The following HEATR5A variants were observed in gnomAD, a reference collection of about 807,000 sequenced individuals.
HEATR5A encodes the protein HEAT repeat-containing protein 5A.
In HEATR5A, 178 loss-of-function variants were observed where a neutral mutation model predicts 218.8. That is an observed-to-expected ratio of 0.81 (90% confidence interval 0.72 to 0.92). The LOEUF (loss-of-function observed/expected upper bound fraction) is 0.92, where lower values mean the gene tolerates loss of function less well. HEATR5A is among the 40% of genes least tolerant of loss of function. HEATR5A has a pLI of 0.00. For missense variants in HEATR5A, 2,420 were observed against 2,418.9 expected, an observed-to-expected ratio of 1.00 and a Z score of -0.01; for synonymous variants, 864 against 871.6, an observed-to-expected ratio of 0.99 and a Z score of 0.15.
chr14:31,315,489 T>C (rs1899884758), intron 27 of HEATR5A, among the ~76,000 whole-genome samples: 2 of 152,202 alleles, frequency 1.3e-5, no homozygotes. Context: ...AAATTTCCAA[T>C]AATTCAGGAT....
chr14:31,353,808 G>A (rs1290213456), intron 16 of HEATR5A, among the ~76,000 whole-genome samples: 1 of 135,292 alleles, frequency 7.4e-6, no homozygotes, highest in African/African-American at 2.5e-5. Context: ...GGCATTTTTT[G>A]TTTTTTTTTG....
At chr14:31,419,798 G>C (rs1238451189) in intron 1 of HEATR5A, among the ~76,000 whole-genome samples, 1 of 152,204 alleles carries the variant, frequency 6.6e-6, no homozygotes, top group African/African-American at 2.4e-5. Flanking sequence ...AAATAACGCC[G>C]CGTTGGCCGA....
rs1306136688 is a variant in HEATR5A, at chr14:31,337,465, A to C, written c.3367+11T>G. 13 of 1,546,070 alleles carry C rather than the reference A, an allele frequency of 8.4e-6. No individual in the cohort carries two copies. The highest frequency in any genetic ancestry group is 1.7e-4 in the Middle Eastern group (1 of 5,994). ...ATTTGAGCTGGACATAATCTTGATCAAGAGAATTACCTGGAGTCAACTCTT... is the reference window on the plus strand; with the variant it reads ...ATTTGAGCTGGACATAATCTTGATCCAGAGAATTACCTGGAGTCAACTCTT... On this transcript the variant is annotated intron_variant, in intron 22 of 35. Transcript: ENST00000543095.
chr14:31,414,839 ATTTGTTTG>A (rs369840968), intron 1 of HEATR5A, among the ~76,000 whole-genome samples: 4 of 151,576 alleles, frequency 2.6e-5, no homozygotes, highest in South Asian at 2.1e-4. Context: ...TTATTTATTT[ATTTGTTTG>A]TTTGTTTGTT....
chr14:31,352,526 T>C (rs1338496679), intron 16 of HEATR5A, among the ~76,000 whole-genome samples: 1 of 152,150 alleles, frequency 6.6e-6, no homozygotes, highest in Non-Finnish European at 1.5e-5. Context: ...AATTTTATTA[T>C]CAAATCAGAA....
intron 11 of HEATR5A, among the ~76,000 whole-genome samples, chr14:31,377,987 T>G (rs1238996922): frequency 6.6e-6 from 1 of 152,230 alleles, no homozygotes; most frequent in African/African-American, 2.4e-5. Flanking sequence ...CCAACACAAT[T>G]AGCTTGTTTT....
In HEATR5A at chr14:31,415,890, T is replaced by A. The variant is rs572890169; in HGVS notation, c.-75+4582A>T. 2.6e-5 allele frequency among the ~76,000 whole-genome samples: 4 copies of A among 151,954 alleles called. No individual in the cohort carries two copies. The South Asian group carries it at 6.2e-4, about 24-fold the overall frequency. On this transcript the variant is annotated intron_variant, in intron 1 of 35. Coordinates refer to ENST00000543095, the MANE Select transcript of HEATR5A (RefSeq NM_015473.4). ...CAGGACAACTAAGTTACTGAAAAAA[T>A]ACATTACACACATAAAACAACAATT...
chr14:31,350,077 A>G lies in HEATR5A; in HGVS notation c.2518-98T>C, dbSNP rs982178732. ...TGGTTAACCAAATCCAAATATGTTC[A>G]TACTTGGATTACTACTTAAAAACAA... On this transcript the variant is annotated intron_variant, in intron 17 of 35. Transcript: ENST00000543095. The G allele has an allele frequency of 1.5e-5, 10 of 688,152 alleles. No individual in the cohort carries two copies. The African/African-American group carries it at 1.9e-4, about 13-fold the overall frequency. The allele number at this position is 688,152 out of a possible 1,614,324, so 42.6% of individuals were successfully genotyped here.
intron 21 of HEATR5A, 76 bp downstream of exon 21, chr14:31,343,820 A>C: frequency 3.3e-6 from 4 of 1,207,518 alleles, no homozygotes; most frequent in Non-Finnish European, 3.4e-6. Flanking sequence ...TCTAGAGTAT[A>C]ATTAAAATGT....
At chr14:31,301,801 C>G (rs1899386591) in intron 33 of HEATR5A, among the ~76,000 whole-genome samples, 1 of 134,122 alleles carries the variant, frequency 7.5e-6, no homozygotes, top group African/African-American at 2.8e-5. Flanking sequence ...CCCCAGAACA[C>G]AGCTTTCTTT....
intron 22 of HEATR5A, among the ~76,000 whole-genome samples, chr14:31,332,706 A>G (rs1900513079): frequency 6.6e-6 from 1 of 152,124 alleles, no homozygotes; most frequent in African/African-American, 2.4e-5. Flanking sequence ...TCTGGACAGA[A>G]GTTCAAATCA....
intron 31 of HEATR5A, among the ~76,000 whole-genome samples, chr14:31,305,460 A>G (rs537180932): frequency 6.6e-6 from 1 of 152,142 alleles, no homozygotes; most frequent in South Asian, 2.1e-4. Context: ...ATGAGGTTTC[A>G]CCATGTTGGT....
rs1165647337 is a variant in HEATR5A at position 31,292,162 on chromosome 14, C to A, written c.*1143G>T. On this transcript the variant is annotated 3_prime_UTR_variant, in exon 36 of 36. Coordinates refer to ENST00000543095, the MANE Select transcript of HEATR5A (RefSeq NM_015473.4). ...TGTTAAAAAAAATACTTGTATTCAC[C>A]TGATGACCTAAATTTGTTGTACTAA... 6.6e-6 allele frequency: 1 copy of A among 152,036 alleles called. No homozygotes were observed. Among genetic ancestry groups the A allele is most frequent in the Admixed American group, 6.5e-5 (1 of 15,268 alleles). 9.4% of individuals were successfully genotyped at this position (152,036 alleles called of 1,614,324 possible).
At chr14:31,345,765 G>C (rs1900998766) in intron 19 of HEATR5A, among the ~76,000 whole-genome samples, 1 of 152,166 alleles carries the variant, frequency 6.6e-6, no homozygotes. Context: ...TCCTTGGTGG[G>C]GGCAGGTAGT....
In HEATR5A at chr14:31,309,002, C is replaced by T. The variant is rs544853467; in HGVS notation, c.4622G>A (p.Gly1541Asp). The T allele has an allele frequency of 1.2e-6, 2 of 1,613,808 alleles. No homozygotes were observed. Among genetic ancestry groups the T allele is most frequent in the East Asian group, 2.2e-5 (1 of 44,880 alleles). ...RPVTPTSMCQGSSSGATIKSP... is the reference protein window; with the variant it reads ...RPVTPTSMCQDSSSGATIKSP... The stretch of plus-strand genomic sequence containing the variant: ...CTTTATGGTAGCCCCAGATGATGAA[C>T]CCTGACACATGGAAGTTGGTGTTAC... Residue 1541 changes from glycine (G) to aspartate (D), a missense_variant, in exon 29 of 36, where the codon GGT becomes GAT. By Grantham distance (94) the Gly-to-Asp change is moderately conservative. Coordinates refer to ENST00000543095, the MANE Select transcript of HEATR5A (RefSeq NM_015473.4).
intron 1 of HEATR5A, among the ~76,000 whole-genome samples, chr14:31,412,537 A>G (rs1407848906): frequency 2.7e-5 from 4 of 148,970 alleles, no homozygotes; most frequent in African/African-American, 9.9e-5. Context: ...AAAAAAGAAG[A>G]CAAATATATG....
At chr14:31,413,745 G>A (rs896452904) in intron 1 of HEATR5A, among the ~76,000 whole-genome samples, 1 of 152,186 alleles carries the variant, frequency 6.6e-6, no homozygotes, top group African/African-American at 2.4e-5. Context: ...GAAAGATAAT[G>A]AGCTAAGAAA....
intron 21 of HEATR5A, chr14:31,340,326 A>G (rs575936994): frequency 2.2e-6 from 1 of 455,728 alleles, no homozygotes; most frequent in Non-Finnish European, 3.9e-6. Context: ...TACTGGACTT[A>G]GCATTAATGG....
Position 31,294,009 on chromosome 14 carries a change from G to T in HEATR5A, c.5715C>A (p.Ile1905=). Residue 1905 remains isoleucine, a synonymous_variant, in exon 35 of 36, where the codon ATC becomes ATA. Coordinates refer to ENST00000543095, the MANE Select transcript of HEATR5A (RefSeq NM_015473.4). ...TGTCTATTTCCTGCAGTTTTTCCAT[G>T]ATACAGGATGCTAAAGAGTAAATGT... ...YPYIYSLASC[I]MEKLQEIDKR... 6.2e-7 allele frequency: 1 copy of T among 1,604,586 alleles called. No homozygotes were observed. The highest frequency in any genetic ancestry group is 1.1e-5 in the South Asian group (1 of 89,070).
Sources: allele counts gnomAD v4.1 joint callset (sites outside exome capture counted in the v4.1 genomes callset), GRCh38; gene constraint gnomAD v4.1.1; transcripts MANE v1.5; gene names NCBI Gene and HGNC (gene_info 2026-07-23, HGNC 2026-07-21).